KDM4A: variants seen among roughly 807,000 people sequenced by gnomAD.
The protein encoded by KDM4A is lysine-specific demethylase 4A.
In KDM4A, 23 loss-of-function variants were observed where a neutral mutation model predicts 127.1. That is an observed-to-expected ratio of 0.18 (90% CI 0.13 to 0.26). KDM4A has a LOEUF of 0.26. Among genes scored for constraint, KDM4A ranks in the 10% least tolerant of loss-of-function variants. The probability of loss-of-function intolerance (pLI) is 1.00; values close to 1 mark genes in which losing one functional copy is unlikely to be tolerated. For missense variants in KDM4A, 890 were observed against 1,329.1 expected (o/e 0.67, Z 5.14); for synonymous variants, 443 against 466.5 (o/e 0.95, Z 0.65).
chr1:43,683,758 C>T lies in KDM4A; in HGVS notation c.1809C>T (p.Leu603=). The change falls in exon 12 of 22, where the codon CTC becomes CTT. Residue 603 remains leucine (L), a synonymous_variant. Coordinates refer to ENST00000372396, the MANE Select transcript of KDM4A (RefSeq NM_014663.3). The part of the protein sequence containing the change: ...SKGRRQPLSK[L]PRHHPLVLQE... ...GACGCCGTCAGCCTTTAAGCAAGCT[C>T]CCCCGCCATCACCCACTTGTGCTGC... 3 of 1,614,112 alleles carry T rather than the reference C, an allele frequency of 1.9e-6. No individual in the cohort carries two copies. The highest frequency in any genetic ancestry group is 2.5e-6 in the Non-Finnish European group (3 of 1,180,000).
intron 20 of KDM4A, 98 bp downstream of exon 20, chr1:43,703,834 A>C (rs1461030815): frequency 7.6e-5 from 116 of 1,518,340 alleles, no homozygotes; most frequent in Non-Finnish European, 1.0e-4. Flanking sequence ...AGGAGAACTA[A>C]TAGGTTGGTA....
chr1:43,660,192 T>C, intron 3 of KDM4A, 106 bp from the exon 4 acceptor site: 1 of 1,250,704 alleles, frequency 8.0e-7, no homozygotes, highest in South Asian at 1.3e-5. Context: ...CCTTGTTCAT[T>C]TGAAATTCTT....
At chr1:43,669,787 T>C (rs563942242) in intron 10 of KDM4A, among the ~76,000 whole-genome samples, 1 of 152,174 alleles carries the variant, frequency 6.6e-6, no homozygotes, top group South Asian at 2.1e-4. Flanking sequence ...TAGCTAGGAC[T>C]ACAGGTGCCT....
chr1:43,690,511 G>T lies in KDM4A; in HGVS notation c.2038-334G>T, dbSNP rs541618329. On this transcript the variant is annotated intron_variant, in intron 13 of 21. Coordinates refer to ENST00000372396, the MANE Select transcript of KDM4A (RefSeq NM_014663.3). ...GATCCACCCGCCTCGGCCTCCCGAAGTGCTGGAATTACAGGCGTGAGCCAC... is the reference window on the plus strand; with the variant it reads ...GATCCACCCGCCTCGGCCTCCCGAATTGCTGGAATTACAGGCGTGAGCCAC... The T allele has an allele frequency of 3.0e-5, 11 of 372,132 alleles. No individual in the cohort carries two copies. In the East Asian group the frequency reaches 4.5e-4, roughly 15 times the overall value. The allele number at this position is 372,132 out of a possible 1,614,324, so 23.1% of individuals were successfully genotyped here.
chr1:43,673,614 C>A (rs1227640363), intron 11 of KDM4A, among the ~76,000 whole-genome samples: 1 of 152,124 alleles, frequency 6.6e-6, no homozygotes, highest in Non-Finnish European at 1.5e-5. Context: ...CTCTTTCCAT[C>A]CCACTGTGGT....
chr1:43,689,165 T>C, intron 13 of KDM4A, 70 bp downstream of exon 13: 1 of 1,493,686 alleles, frequency 6.7e-7, no homozygotes, highest in Non-Finnish European at 9.2e-7. Context: ...TAATTGTGAG[T>C]ATATAGCTTG....
chr1:43,683,668 C>A lies in KDM4A; in HGVS notation c.1735-16C>A, dbSNP rs753291829. 10 of 1,609,534 alleles carry A rather than the reference C, an allele frequency of 6.2e-6. No individual in the cohort carries two copies. The highest frequency in any genetic ancestry group is 1.3e-5 in the African/African-American group (1 of 74,786). On this transcript the variant is annotated splice_polypyrimidine_tract_variant and intron_variant, in intron 11 of 21. Transcript: ENST00000372396. Reference sequence around the variant, plus strand: ...AGTGGAGACAAGACCAATTTAATTTCTTGTGGTTTGCCCAGGTTGCAGATG... The same window carrying A: ...AGTGGAGACAAGACCAATTTAATTTATTGTGGTTTGCCCAGGTTGCAGATG...
At chr1:43,696,052 G>T (rs1402172561) in intron 18 of KDM4A, among the ~76,000 whole-genome samples, 1 of 152,232 alleles carries the variant, frequency 6.6e-6, no homozygotes, top group Non-Finnish European at 1.5e-5. Context: ...TGAGGGTAAA[G>T]ATTTGGCTAT....
intron 19 of KDM4A, 60 bp downstream of exon 19, chr1:43,698,073 G>T: frequency 6.5e-7 from 1 of 1,547,288 alleles, no homozygotes. Flanking sequence ...CTAAGGTCTG[G>T]CTGGCAGACT....
chr1:43,691,377 AAG>A, intron 14 of KDM4A, 117 bp from the exon 15 acceptor site: 1 of 890,488 alleles, frequency 1.1e-6, no homozygotes, highest in Non-Finnish European at 1.9e-6. Context: ...AAAGAAAACT[AAG>A]GGGTTTCTGT....
Position 43,671,819 on chromosome 1 carries a change from T to C in KDM4A, c.1678T>C (p.Cys560Arg), listed in dbSNP as rs762171653. The change falls in exon 11 of 22, where the codon TGC (cysteine) becomes CGC (arginine). Residue 560 changes from cysteine (C) to arginine (R), a missense_variant. By Grantham distance (180) the Cys-to-Arg change is radical. Transcript: ENST00000372396. ...GDGRVTVGEPCTRKKGSAARS... is the reference protein window; with the variant it reads ...GDGRVTVGEPRTRKKGSAARS... ...TGGCAGGGTCACTGTGGGAGAGCCATGCACGAGGAAGAAAGGAAGCGCCGC... is the reference window on the plus strand; with the variant it reads ...TGGCAGGGTCACTGTGGGAGAGCCACGCACGAGGAAGAAAGGAAGCGCCGC... The C allele has an allele frequency of 1.9e-6, 3 of 1,594,768 alleles. No homozygotes were observed. Among genetic ancestry groups the C allele is most frequent in the Non-Finnish European group, 2.6e-6 (3 of 1,171,026 alleles).
intron 13 of KDM4A, among the ~76,000 whole-genome samples, chr1:43,689,336 G>A (rs1661056117): frequency 6.6e-6 from 1 of 152,210 alleles, no homozygotes; most frequent in Non-Finnish European, 1.5e-5. Context: ...CTTTGCACAT[G>A]CAGTCATCAC....
chr1:43,683,188 C>T (rs1266163410), intron 11 of KDM4A, among the ~76,000 whole-genome samples: 1 of 152,206 alleles, frequency 6.6e-6, no homozygotes, highest in African/African-American at 2.4e-5. Context: ...AGAAGGTGGC[C>T]TATTTTACTT....
At chr1:43,651,956 T>C (rs1186488966) in intron 1 of KDM4A, among the ~76,000 whole-genome samples, 1 of 152,252 alleles carries the variant, frequency 6.6e-6, no homozygotes, top group Non-Finnish European at 1.5e-5. Flanking sequence ...CTGCTGAAAC[T>C]GCATCTTAGT....
At chr1:43,680,481 C>T (rs1202209057) in intron 11 of KDM4A, among the ~76,000 whole-genome samples, 1 of 152,186 alleles carries the variant, frequency 6.6e-6, no homozygotes, top group Admixed American at 6.5e-5. Context: ...CCTATTGCTG[C>T]TATAACAAGG....
At chr1:43,684,682 A>T (rs1347140355) in intron 12 of KDM4A, among the ~76,000 whole-genome samples, 1 of 152,186 alleles carries the variant, frequency 6.6e-6, no homozygotes, top group African/African-American at 2.4e-5. Flanking sequence ...TAGCGTTATC[A>T]TGGAGGCCAG....
At chr1:43,679,820 C>T (rs1660819164) in intron 11 of KDM4A, among the ~76,000 whole-genome samples, 1 of 152,222 alleles carries the variant, frequency 6.6e-6, no homozygotes, top group African/African-American at 2.4e-5. Context: ...ATCAGGAACA[C>T]TAACCTTGAC....
intron 19 of KDM4A, chr1:43,700,111 G>A (rs1173361485): frequency 1.3e-5 from 2 of 152,066 alleles, no homozygotes; most frequent in African/African-American, 2.4e-5. Context: ...GCGTAGATAT[G>A]TAATTGGAAA....
intron 11 of KDM4A, among the ~76,000 whole-genome samples, chr1:43,673,202 T>C (rs748991354): frequency 6.6e-6 from 1 of 152,082 alleles, no homozygotes; most frequent in Non-Finnish European, 1.5e-5. Context: ...TCCCCAGCCT[T>C]GGAGCTTATG....
Sources: allele counts gnomAD v4.1 joint callset (sites outside exome capture counted in the v4.1 genomes callset), GRCh38; gene constraint gnomAD v4.1.1; transcripts MANE v1.5; gene names NCBI Gene and HGNC (gene_info 2026-07-23, HGNC 2026-07-21).